The following KLHL29 variants were observed in gnomAD, a reference collection of about 807,000 sequenced individuals.
KLHL29 encodes kelch like family member 29, also known as kelch-like protein 29.
In KLHL29, 21 loss-of-function variants were observed where a neutral mutation model predicts 80.4. The ratio of observed to expected loss-of-function variants is 0.26; its 90% confidence interval spans 0.19 to 0.38. KLHL29 has a LOEUF of 0.38. Ranked by LOEUF, KLHL29 falls within the 10% of genes least tolerant of loss-of-function variation. The probability of loss-of-function intolerance (pLI) is 1.00; values close to 1 mark genes in which losing one functional copy is unlikely to be tolerated. For missense variants in KLHL29, 867 were observed against 1,223.9 expected, an observed-to-expected ratio of 0.71 and a Z score of 4.35; for synonymous variants, 511 against 526.8, an observed-to-expected ratio of 0.97 and a Z score of 0.41.
intron 2 of KLHL29, among the ~76,000 whole-genome samples, chr2:23,506,738 C>A (rs1052291416): frequency 2.0e-5 from 3 of 152,202 alleles, no homozygotes; most frequent in Non-Finnish European, 2.9e-5. Context: ...TTCCAGGAAC[C>A]ACCGGCTCTT....
At chr2:23,652,535 C>G (rs995639921) in intron 5 of KLHL29, among the ~76,000 whole-genome samples, 2 of 152,158 alleles carry the variant, frequency 1.3e-5, no homozygotes, top group African/African-American at 4.8e-5. Context: ...AGCTGCTCAT[C>G]CTGTGAAGAT....
chr2:23,419,432 C>T (rs1212884030), intron 1 of KLHL29, among the ~76,000 whole-genome samples: 8 of 152,110 alleles, frequency 5.3e-5, no homozygotes, highest in Admixed American at 2.0e-4. Context: ...GTCTGTGGCC[C>T]GCGCTGTCGG....
chr2:23,452,963 A>T (rs1411394543), intron 1 of KLHL29, among the ~76,000 whole-genome samples: 1 of 150,614 alleles, frequency 6.6e-6, no homozygotes, highest in Non-Finnish European at 1.5e-5. Flanking sequence ...CCACATAACC[A>T]CTTCCTTTAT....
chr2:23,453,200 T>C (rs6544858), intron 1 of KLHL29, among the ~76,000 whole-genome samples: 30,023 of 152,022 alleles, frequency 0.2, 4,334 homozygotes, highest in African/African-American at 0.4. Flanking sequence ...ACAGTGTCTC[T>C]GAAAATTCTC....
chr2:23,481,346 T>C (rs1035084329), intron 2 of KLHL29, among the ~76,000 whole-genome samples: 1 of 152,252 alleles, frequency 6.6e-6, no homozygotes, highest in Non-Finnish European at 1.5e-5. Context: ...TGATTCTCTC[T>C]CCTACTTTTG....
intron 3 of KLHL29, among the ~76,000 whole-genome samples, chr2:23,620,752 C>T (rs1669156812): frequency 6.6e-6 from 1 of 152,186 alleles, no homozygotes. Context: ...ACAGGGTCCC[C>T]ATCCAGAGGT....
intron 3 of KLHL29, among the ~76,000 whole-genome samples, chr2:23,613,501 C>T (rs1201170512): frequency 6.6e-6 from 1 of 152,124 alleles, no homozygotes; most frequent in Non-Finnish European, 1.5e-5. Context: ...CACGGTGGCT[C>T]GTGCCTGTGA....
At chr2:23,414,503 T>C (rs1220719228) in intron 1 of KLHL29, among the ~76,000 whole-genome samples, 1 of 152,180 alleles carries the variant, frequency 6.6e-6, no homozygotes, top group African/African-American at 2.4e-5. Flanking sequence ...TCAGGCTGGC[T>C]GGGTCCTGCA....
intron 1 of KLHL29, among the ~76,000 whole-genome samples, chr2:23,468,221 C>T (rs1572339664): frequency 6.6e-6 from 1 of 152,004 alleles, no homozygotes; most frequent in African/African-American, 2.4e-5. Context: ...AACGGCAGAG[C>T]TGAGATTTAG....
At chr2:23,451,754 C>G (rs1223547253) in intron 1 of KLHL29, among the ~76,000 whole-genome samples, 1 of 152,218 alleles carries the variant, frequency 6.6e-6, no homozygotes, top group Non-Finnish European at 1.5e-5. Flanking sequence ...AACGTTGACC[C>G]AGAAAACTGG....
At chr2:23,575,839 G>A (rs566005791) in intron 3 of KLHL29, among the ~76,000 whole-genome samples, 9 of 152,246 alleles carry the variant, frequency 5.9e-5, no homozygotes, top group Non-Finnish European at 8.8e-5. Context: ...CACTCCACCC[G>A]GCGCAGGAAC....
At chr2:23,564,099 G>A (rs1310550704) in intron 3 of KLHL29, among the ~76,000 whole-genome samples, 8 of 152,278 alleles carry the variant, frequency 5.3e-5, no homozygotes, top group African/African-American at 1.7e-4. Flanking sequence ...GTGGGAGAGA[G>A]AGGCTGGGCC....
At chr2:23,641,095 G>A (rs1669756957) in intron 4 of KLHL29, among the ~76,000 whole-genome samples, 1 of 152,054 alleles carries the variant, frequency 6.6e-6, no homozygotes, top group Non-Finnish European at 1.5e-5. Context: ...GTACCATTTG[G>A]GCCATGGAGA....
chr2:23,569,476 G>T (rs1667665108), intron 3 of KLHL29, among the ~76,000 whole-genome samples: 1 of 152,088 alleles, frequency 6.6e-6, no homozygotes, highest in Admixed American at 6.5e-5. Flanking sequence ...AGTTCTAATG[G>T]TTTTCCCTGT....
At chr2:23,458,691 C>T (rs1440924005) in intron 1 of KLHL29, among the ~76,000 whole-genome samples, 1 of 152,128 alleles carries the variant, frequency 6.6e-6, no homozygotes, top group Non-Finnish European at 1.5e-5. Flanking sequence ...TCAGCATGAA[C>T]CAGGTGAAGA....
chr2:23,704,577 G>A (rs1488852619), intron 13 of KLHL29, among the ~76,000 whole-genome samples: 1 of 152,176 alleles, frequency 6.6e-6, no homozygotes, highest in Non-Finnish European at 1.5e-5. Flanking sequence ...GACCAGCTTG[G>A]CCAACATGGT....
At chr2:23,692,781 A>G (rs1671703290) in intron 7 of KLHL29, among the ~76,000 whole-genome samples, 1 of 152,064 alleles carries the variant, frequency 6.6e-6, no homozygotes, top group Non-Finnish European at 1.5e-5. Flanking sequence ...TGGACCCCAG[A>G]GCCTAGCGAG....
chr2:23,390,410 G>A (rs569930956), intron 1 of KLHL29, among the ~76,000 whole-genome samples: 1 of 152,222 alleles, frequency 6.6e-6, no homozygotes, highest in Admixed American at 6.5e-5. Flanking sequence ...GACGACAGCC[G>A]CTAGGCCATT....
chr2:23,418,060 C>T (rs530516534), intron 1 of KLHL29, among the ~76,000 whole-genome samples: 32 of 152,340 alleles, frequency 2.1e-4, no homozygotes, highest in African/African-American at 7.7e-4. Flanking sequence ...AAGCCCAGCA[C>T]AGTCCCTGGC....
Sources: allele counts gnomAD v4.1 joint callset (sites outside exome capture counted in the v4.1 genomes callset), GRCh38; gene constraint gnomAD v4.1.1; transcripts MANE v1.5; gene names NCBI Gene and HGNC (gene_info 2026-07-23, HGNC 2026-07-21).